SFMBT2: variants seen among roughly 807,000 people sequenced by gnomAD.
SFMBT2 encodes scm-like with four MBT domains protein 2.
In SFMBT2, 38 loss-of-function variants were observed where a neutral mutation model predicts 110.1. The ratio of observed to expected loss-of-function variants is 0.35; its 90% CI spans 0.27 to 0.45. The LOEUF is 0.45. Among genes scored for constraint, SFMBT2 ranks in the 20% least tolerant of loss-of-function variants. The pLI is 1.00. For synonymous variants in SFMBT2, 425 were observed against 425.4 expected (o/e 1.00, Z 0.01); for missense variants, 1,011 against 1,094.9 (o/e 0.92, Z 1.08).
At chr10:7,281,849 T>TTTTG (rs934545674) in intron 6 of SFMBT2, among the ~76,000 whole-genome samples, 1 of 152,294 alleles carries the variant, frequency 6.6e-6, no homozygotes, top group African/African-American at 2.4e-5. Flanking sequence ...AGAATCTTTT[T>TTTTG]TTTGTTTGTT....
chr10:7,302,265 C>G (rs1047387767), intron 4 of SFMBT2, among the ~76,000 whole-genome samples: 1 of 152,234 alleles, frequency 6.6e-6, no homozygotes, highest in African/African-American at 2.4e-5. Flanking sequence ...CACCCTCCCT[C>G]TTCTCTCATG....
At chr10:7,348,046 T>C (rs534265037) in intron 4 of SFMBT2, 14 of 355,428 alleles carry the variant, frequency 3.9e-5, no homozygotes, top group African/African-American at 2.7e-4. Flanking sequence ...AAAACAAATC[T>C]AATGAAACAT....
intron 4 of SFMBT2, among the ~76,000 whole-genome samples, chr10:7,310,604 G>A (rs1044537290): frequency 6.6e-6 from 1 of 152,218 alleles, no homozygotes; most frequent in Non-Finnish European, 1.5e-5. Flanking sequence ...TTTTGGCAAA[G>A]TCTGTCTGAT....
chr10:7,226,572 A>C (rs1839902260), intron 10 of SFMBT2, among the ~76,000 whole-genome samples: 1 of 152,250 alleles, frequency 6.6e-6, no homozygotes, highest in South Asian at 2.1e-4. Context: ...GGAGGCTATA[A>C]TCTTTTTGTC....
chr10:7,219,261 T>G (rs574016808), intron 11 of SFMBT2, among the ~76,000 whole-genome samples: 1 of 152,226 alleles, frequency 6.6e-6, no homozygotes. Context: ...GTGTCTACAC[T>G]TTCGTGAATT....
At chr10:7,392,250 C>T (rs945461248) in intron 1 of SFMBT2, among the ~76,000 whole-genome samples, 3 of 152,206 alleles carry the variant, frequency 2.0e-5, no homozygotes, top group African/African-American at 7.2e-5. Context: ...TGCGGTGGCT[C>T]ACGCCTGTAA....
chr10:7,395,701 CTT>C (rs34293825), intron 1 of SFMBT2, among the ~76,000 whole-genome samples: 54 of 135,506 alleles, frequency 4.0e-4, no homozygotes, highest in Middle Eastern at 4.1e-3. Flanking sequence ...TCTAAAAGCT[CTT>C]TTTTTTTTTT....
At chr10:7,314,487 C>T (rs369839243) in intron 4 of SFMBT2, among the ~76,000 whole-genome samples, 13 of 152,190 alleles carry the variant, frequency 8.5e-5, no homozygotes, top group South Asian at 2.1e-4. Context: ...CATTTCTTAA[C>T]GATCACATGA....
Position 7,170,793 on chromosome 10 carries a change from G to A in SFMBT2, c.2544+135C>T. 6.0e-6 allele frequency: 6 copies of A among 999,328 alleles called. No homozygotes were observed. The highest frequency in any genetic ancestry group is 8.9e-6 in the Non-Finnish European group (6 of 673,408). The allele number at this position is 999,328 out of a possible 1,614,324, so 61.9% of individuals were successfully genotyped here. On this transcript the variant is annotated intron_variant, in intron 20 of 20. Coordinates refer to ENST00000397167, the MANE Select transcript of SFMBT2 (RefSeq NM_001387889.1). The surrounding 1 kb of genome is among the most constrained non-coding windows in gnomAD (Gnocchi z 4.6). Reference sequence around the variant, plus strand: ...CTCAGCAGGGGCCTTGGAGGGAGAAGGGTCTCGCACACCTGCCGAGCAGCG... The same window carrying A: ...CTCAGCAGGGGCCTTGGAGGGAGAAAGGTCTCGCACACCTGCCGAGCAGCG...
At chr10:7,341,195 G>A (rs183696094) in intron 4 of SFMBT2, among the ~76,000 whole-genome samples, 2 of 152,266 alleles carry the variant, frequency 1.3e-5, no homozygotes, top group Admixed American at 6.5e-5. Context: ...GGCCATCCAA[G>A]CTCGTATCAG....
chr10:7,290,792 A>G (rs1470359766), intron 4 of SFMBT2, among the ~76,000 whole-genome samples: 1 of 152,122 alleles, frequency 6.6e-6, no homozygotes, highest in Non-Finnish European at 1.5e-5. Context: ...GGCTATGATC[A>G]CACCACTACA....
chr10:7,260,730 G>A (rs1382473433), intron 7 of SFMBT2, among the ~76,000 whole-genome samples: 1 of 152,104 alleles, frequency 6.6e-6, no homozygotes, highest in South Asian at 2.1e-4. Context: ...TTTGGCAAGG[G>A]GCAGGGGCAG....
At chr10:7,363,715 T>C (rs888999309) in intron 4 of SFMBT2, among the ~76,000 whole-genome samples, 2 of 152,108 alleles carry the variant, frequency 1.3e-5, no homozygotes, top group Non-Finnish European at 2.9e-5. Context: ...AACAGACTAA[T>C]ACCCCCCTCA....
At chr10:7,402,789 T>C (rs192850269) in intron 1 of SFMBT2, among the ~76,000 whole-genome samples, 23 of 152,260 alleles carry the variant, frequency 1.5e-4, no homozygotes, top group African/African-American at 5.1e-4. Context: ...AGTCTTCAGT[T>C]TTCTACATGA....
intron 4 of SFMBT2, among the ~76,000 whole-genome samples, chr10:7,346,068 C>G (rs1285874233): frequency 6.6e-6 from 1 of 152,218 alleles, no homozygotes; most frequent in East Asian, 1.9e-4. Flanking sequence ...CCGAAATTCC[C>G]TCATTCTTCC....
At chr10:7,331,746 G>A (rs753866959) in intron 4 of SFMBT2, among the ~76,000 whole-genome samples, 3 of 152,100 alleles carry the variant, frequency 2.0e-5, no homozygotes, top group Non-Finnish European at 2.9e-5. Context: ...CATCACTCCT[G>A]TAATCCCAGC....
chr10:7,261,438 G>C (rs1330707467), intron 7 of SFMBT2, among the ~76,000 whole-genome samples: 1 of 152,198 alleles, frequency 6.6e-6, no homozygotes, highest in African/African-American at 2.4e-5. Flanking sequence ...CAGTCTCTCA[G>C]AATCTTCGGA....
chr10:7,165,323 G>A (rs999966680), intron 20 of SFMBT2, among the ~76,000 whole-genome samples: 4 of 152,160 alleles, frequency 2.6e-5, no homozygotes, highest in Non-Finnish European at 5.9e-5. Flanking sequence ...AGTGACTTTC[G>A]CACAGGCAGC....
intron 4 of SFMBT2, among the ~76,000 whole-genome samples, chr10:7,357,928 CCAGCATGGCCCTGGGACAT>C (rs1365243497): frequency 2.0e-5 from 3 of 152,080 alleles, no homozygotes; most frequent in East Asian, 3.8e-4. Flanking sequence ...CCAATGGAAC[CCAGCATGGCCCTGGGACAT>C]CAGCATGGCC....
Sources: allele counts gnomAD v4.1 joint callset (sites outside exome capture counted in the v4.1 genomes callset), GRCh38; gene constraint gnomAD v4.1.1; non-coding constraint Gnocchi (gnomAD v3.1); transcripts MANE v1.5; gene names NCBI Gene and HGNC (gene_info 2026-07-23, HGNC 2026-07-21).